PHF21B: variants seen among roughly 807,000 people sequenced by gnomAD.
PHF21B encodes PHD finger protein 4.
In PHF21B, 22 loss-of-function variants were observed where a neutral mutation model predicts 62.2. The ratio of observed to expected loss-of-function variants is 0.35; its 90% CI spans 0.25 to 0.51. The LOEUF is 0.51. PHF21B is among the 20% of genes least tolerant of loss of function. PHF21B has a pLI of 0.97. For missense variants in PHF21B, 701 were observed against 707.9 expected, an observed-to-expected ratio of 0.99 and a Z score of 0.11; for synonymous variants, 341 against 314.7, an observed-to-expected ratio of 1.08 and a Z score of -0.88.
intron 2 of PHF21B, among the ~76,000 whole-genome samples, chr22:44,985,691 A>C (rs146187599): frequency 5.8e-4 from 88 of 152,342 alleles, no homozygotes; most frequent in Non-Finnish European, 1.1e-3. Context: ...ATTTCCTCAC[A>C]GGGATGTGTT....
intron 3 of PHF21B, 100 bp from the exon 4 acceptor site, chr22:44,916,730 G>A: frequency 9.4e-7 from 1 of 1,065,014 alleles, no homozygotes; most frequent in Non-Finnish European, 1.4e-6. Context: ...CAAGGGGAAG[G>A]GGCAGCACTG....
At chr22:44,928,185 AC>A (rs2071670459) in intron 2 of PHF21B, among the ~76,000 whole-genome samples, 2 of 151,820 alleles carry the variant, frequency 1.3e-5, no homozygotes, top group South Asian at 4.2e-4. Flanking sequence ...GCTGTGCGGG[AC>A]CCCTCAGCTC....
At chr22:44,936,833 T>A (rs1006747889) in intron 2 of PHF21B, among the ~76,000 whole-genome samples, 2 of 151,772 alleles carry the variant, frequency 1.3e-5, no homozygotes, top group African/African-American at 4.8e-5. Context: ...AGGAAACTTG[T>A]AATTTAAGAC....
At chr22:44,889,411 G>A (rs2070920649) in intron 9 of PHF21B, among the ~76,000 whole-genome samples, 1 of 152,220 alleles carries the variant, frequency 6.6e-6, no homozygotes, top group Non-Finnish European at 1.5e-5. Context: ...GCTCTGCCCA[G>A]GTCACACTGA....
At chr22:45,008,435 T>C in intron 2 of PHF21B, 110 bp downstream of exon 2, 1 of 1,042,354 alleles carries the variant, frequency 9.6e-7, no homozygotes, top group Non-Finnish European at 1.3e-6. Context: ...GACAGACCCC[T>C]CTGGGAGTCT....
Position 45,009,520 on chromosome 22 carries a change from G to A in PHF21B, c.30C>T (p.Leu10=), listed in dbSNP as rs777226857. The change falls in exon 1 of 13, where the codon CTC becomes CTT. Residue 10 remains leucine (L), a synonymous_variant. Transcript: ENST00000313237. This position sits in a 1 kb window ranked among gnomAD's most constrained non-coding sequence, Gnocchi z 5.9. ...CCTGGTGGCGCGCGAGTTCCACGGC[G>A]AGCGCCTCGGGCCGGCTCTGCAGCT... is the stretch of plus-strand genomic sequence containing the variant. The part of the protein sequence containing the change: MELQSRPEA[L]AVELARHQNG... 4 of 1,568,084 alleles carry A rather than the reference G, an allele frequency of 2.6e-6. No homozygotes were observed. The highest frequency in any genetic ancestry group is 3.4e-6 in the Non-Finnish European group (4 of 1,166,342).
At chr22:44,972,996 C>T (rs2072668555) in intron 2 of PHF21B, among the ~76,000 whole-genome samples, 1 of 152,242 alleles carries the variant, frequency 6.6e-6, no homozygotes, top group African/African-American at 2.4e-5. Context: ...GTGAGAATGA[C>T]ACCAGGTGAC....
At chr22:44,936,992 G>A (rs1423327162) in intron 2 of PHF21B, among the ~76,000 whole-genome samples, 1 of 151,598 alleles carries the variant, frequency 6.6e-6, no homozygotes, top group Non-Finnish European at 1.5e-5. Flanking sequence ...AGCCTCCTGA[G>A]TAGCTGGGAT....
chr22:45,006,538 C>G (rs1235846776), intron 2 of PHF21B, among the ~76,000 whole-genome samples: 2 of 152,100 alleles, frequency 1.3e-5, no homozygotes, highest in African/African-American at 4.8e-5. Flanking sequence ...ATCTAAATTC[C>G]GGCATGACAG....
intron 2 of PHF21B, among the ~76,000 whole-genome samples, chr22:44,986,832 G>A (rs988035599): frequency 6.6e-6 from 1 of 151,680 alleles, no homozygotes; most frequent in African/African-American, 2.4e-5. Context: ...GAGCTGGGGA[G>A]AGGGCAGGTG....
chr22:44,898,010 T>C (rs2071089994), intron 5 of PHF21B, among the ~76,000 whole-genome samples: 1 of 152,150 alleles, frequency 6.6e-6, no homozygotes, highest in Non-Finnish European at 1.5e-5. Context: ...GGTCTTGCTA[T>C]GTTACCCAGG....
intron 2 of PHF21B, among the ~76,000 whole-genome samples, chr22:44,940,148 C>T (rs1171363795): frequency 6.6e-6 from 1 of 152,156 alleles, no homozygotes; most frequent in Non-Finnish European, 1.5e-5. Flanking sequence ...GCACCTCCAC[C>T]AGGGCAGGTG....
intron 4 of PHF21B, 52 bp downstream of exon 4, chr22:44,916,228 C>T: frequency 6.5e-7 from 1 of 1,535,866 alleles, no homozygotes. Context: ...TTGCTCTCGG[C>T]CTCCTGTATG....
Position 44,955,848 on chromosome 22 carries a change from C to A in PHF21B, c.121-35358G>T, listed in dbSNP as rs577551052. Among the ~76,000 whole-genome samples, 7 of 152,306 alleles carry A rather than the reference C, an allele frequency of 4.6e-5. 1 individual carries two copies. The East Asian group carries it at 1.2e-3, about 25-fold the overall frequency. On this transcript the variant is annotated intron_variant, in intron 2 of 12. Transcript: ENST00000313237. ...CCCATTGGTTCTGCTCTCTGGCGAG[C>A]CCTGACTGATGTGGGTGCTTAGAAT...
chr22:45,008,439 G>A, intron 2 of PHF21B, 106 bp downstream of exon 2: 1 of 1,082,308 alleles, frequency 9.2e-7, no homozygotes, highest in Non-Finnish European at 1.3e-6. Flanking sequence ...GACCCCTCTG[G>A]GAGTCTGAGC....
chr22:44,987,151 G>C (rs1387272409), intron 2 of PHF21B, among the ~76,000 whole-genome samples: 4 of 152,234 alleles, frequency 2.6e-5, no homozygotes, highest in African/African-American at 7.2e-5. Flanking sequence ...AGTGGACAGA[G>C]GCTGGGAGTA....
chr22:44,977,560 GTC>G (rs1284822955), intron 2 of PHF21B, among the ~76,000 whole-genome samples: 2 of 148,614 alleles, frequency 1.3e-5, no homozygotes, highest in African/African-American at 2.5e-5. Flanking sequence ...GCGAGACTGT[GTC>G]TCAAAAAAAA....
chr22:44,977,279 A>G (rs1437498220), intron 2 of PHF21B, among the ~76,000 whole-genome samples: 1 of 152,036 alleles, frequency 6.6e-6, no homozygotes, highest in African/African-American at 2.4e-5. Flanking sequence ...AAAGTGTATC[A>G]GGCCAGGCAC....
At chr22:44,936,481 C>T (rs1033165694) in intron 2 of PHF21B, among the ~76,000 whole-genome samples, 1 of 152,234 alleles carries the variant, frequency 6.6e-6, no homozygotes, top group Non-Finnish European at 1.5e-5. Flanking sequence ...TGTGACATCC[C>T]ACCTGGATGC....
Sources: allele counts gnomAD v4.1 joint callset (sites outside exome capture counted in the v4.1 genomes callset), GRCh38; gene constraint gnomAD v4.1.1; non-coding constraint Gnocchi (gnomAD v3.1); transcripts MANE v1.5; gene names NCBI Gene and HGNC (gene_info 2026-07-23, HGNC 2026-07-21).